NME7: variants seen among roughly 807,000 people sequenced by gnomAD.
NME7 encodes the protein NME/NM23 family member 7, also known as nucleoside diphosphate kinase 7.
NME7 carries 41 observed loss-of-function variants against 49.1 expected under a neutral mutation model. The ratio of observed to expected loss-of-function variants is 0.83; its 90% CI spans 0.65 to 1.08. The LOEUF is 1.08. Among genes scored for constraint, NME7 ranks in the 50% least tolerant of loss-of-function variants. NME7 has a pLI of 0.00. For missense variants in NME7, 423 were observed against 463.4 expected, an observed-to-expected ratio of 0.91 and a Z score of 0.80; for synonymous variants, 139 against 150.6, an observed-to-expected ratio of 0.92 and a Z score of 0.56.
chr1:169,354,637 A>T (rs1040560426), intron 1 of NME7, among the ~76,000 whole-genome samples: 1 of 148,354 alleles, frequency 6.7e-6, no homozygotes, highest in Non-Finnish European at 1.5e-5. Flanking sequence ...TGGTGTACAT[A>T]TTTATATATT....
chr1:169,176,118 A>C (rs1659742248), intron 10 of NME7, among the ~76,000 whole-genome samples: 2 of 152,158 alleles, frequency 1.3e-5, no homozygotes, highest in Non-Finnish European at 2.9e-5. Flanking sequence ...GTACTAATAC[A>C]GTTATGCAGT....
chr1:169,355,212 T>C lies in NME7; in HGVS notation c.3+12496A>G, dbSNP rs1220441817. Among the ~76,000 whole-genome samples the C allele has an allele frequency of 2.0e-4, 13 of 66,598 alleles. 2 individuals carry two copies. The highest frequency in any genetic ancestry group is 3.6e-4 in the African/African-American group (6 of 16,482). 43.7% of individuals were successfully genotyped at this position (66,598 alleles called of 152,430 possible). On this transcript the variant is annotated intron_variant, in intron 1 of 11. Coordinates refer to ENST00000367811, the MANE Select transcript of NME7 (RefSeq NM_013330.5). ...TTATAGATATAATATATAATATATA[T>C]TATATATTATAGATATAATATATAA...
chr1:169,205,033 G>A (rs995992630), intron 10 of NME7, among the ~76,000 whole-genome samples: 14 of 151,968 alleles, frequency 9.2e-5, no homozygotes, highest in Non-Finnish European at 1.9e-4. Flanking sequence ...ACCAAAGCAG[G>A]AAGCCTATAA....
At chr1:169,267,493 GA>G (rs1649353265) in intron 7 of NME7, among the ~76,000 whole-genome samples, 1 of 133,182 alleles carries the variant, frequency 7.5e-6, no homozygotes, top group Admixed American at 7.4e-5. Flanking sequence ...AAAGCTGGAG[GA>G]ATCATATTGT....
chr1:169,237,446 G>A (rs1355063637), intron 8 of NME7, among the ~76,000 whole-genome samples, 177 bp downstream of exon 8: 1 of 151,920 alleles, frequency 6.6e-6, no homozygotes, highest in African/African-American at 2.4e-5. Context: ...ATATTATATG[G>A]GAAAAATCAT....
intron 7 of NME7, among the ~76,000 whole-genome samples, chr1:169,254,909 T>C (rs1291998989): frequency 7.6e-6 from 1 of 130,796 alleles, no homozygotes; most frequent in Admixed American, 7.5e-5. Flanking sequence ...TCTAGTTTGA[T>C]TGCACTGTGG....
At chr1:169,334,644 T>C (rs1214663288) in intron 1 of NME7, among the ~76,000 whole-genome samples, 2 of 152,050 alleles carry the variant, frequency 1.3e-5, no homozygotes, top group African/African-American at 2.4e-5. Flanking sequence ...ATTCAGGACA[T>C]AGGAATGGGC....
intron 11 of NME7, among the ~76,000 whole-genome samples, chr1:169,140,123 ATAAT>A (rs1265297487): frequency 2.0e-5 from 3 of 152,226 alleles, no homozygotes; most frequent in Non-Finnish European, 4.4e-5. Flanking sequence ...AATATTATAA[ATAAT>A]TAAATTCATA....
At chr1:169,239,556 T>C (rs186215238) in intron 7 of NME7, among the ~76,000 whole-genome samples, 2 of 152,142 alleles carry the variant, frequency 1.3e-5, no homozygotes, top group African/African-American at 4.8e-5. Flanking sequence ...ATAGCATTTA[T>C]AGAGTAGGAA....
intron 11 of NME7, among the ~76,000 whole-genome samples, chr1:169,165,667 T>A (rs912873888): frequency 1.3e-5 from 2 of 152,328 alleles, no homozygotes; most frequent in South Asian, 4.1e-4. Flanking sequence ...AGACAACTTG[T>A]CTTGTGTCAC....
intron 10 of NME7, among the ~76,000 whole-genome samples, chr1:169,227,059 C>T (rs900158217): frequency 5.3e-5 from 8 of 152,232 alleles, no homozygotes; most frequent in African/African-American, 1.9e-4. Flanking sequence ...AGCAATAGGA[C>T]CCAGGAGTGA....
chr1:169,236,912 A>G (rs1194154521), intron 8 of NME7, among the ~76,000 whole-genome samples: 1 of 152,004 alleles, frequency 6.6e-6, no homozygotes, highest in Non-Finnish European at 1.5e-5. Context: ...AAAAAGCACA[A>G]ACTTGCTGGG....
chr1:169,167,940 T>TCA (rs943157960), intron 11 of NME7, among the ~76,000 whole-genome samples: 2 of 152,184 alleles, frequency 1.3e-5, no homozygotes, highest in Admixed American at 6.5e-5. Context: ...CTCCCATACC[T>TCA]CACACCAGGA....
At chr1:169,217,957 C>T (rs1661018175) in intron 10 of NME7, among the ~76,000 whole-genome samples, 1 of 152,078 alleles carries the variant, frequency 6.6e-6, no homozygotes, top group South Asian at 2.1e-4. Context: ...CTTTTCTACC[C>T]ACACCACCAC....
chr1:169,206,370 T>C (rs1219216282), intron 10 of NME7, among the ~76,000 whole-genome samples: 1 of 152,142 alleles, frequency 6.6e-6, no homozygotes, highest in Non-Finnish European at 1.5e-5. Flanking sequence ...TGAAAAAGAA[T>C]GGATGGCTAC....
chr1:169,299,540 A>C (rs1452168667), intron 5 of NME7, among the ~76,000 whole-genome samples: 1 of 152,148 alleles, frequency 6.6e-6, no homozygotes, highest in East Asian at 1.9e-4. Flanking sequence ...AGTACTTTTT[A>C]GAGTAAGCCC....
chr1:169,244,441 G>A (rs12730917), intron 7 of NME7, among the ~76,000 whole-genome samples: 36,582 of 151,546 alleles, frequency 0.24, 5,412 homozygotes, highest in Non-Finnish European at 0.34. Flanking sequence ...AGACCATCCT[G>A]GCTAACACGG....
At position 169,351,045 on chromosome 1, in the gene NME7, T is replaced by C. The variant is rs114333377; in HGVS notation, c.3+16663A>G. 6.3e-3 allele frequency among the ~76,000 whole-genome samples: 962 copies of C among 151,990 alleles called. 10 individuals carry two copies. The highest frequency in any genetic ancestry group is 0.022 in the African/African-American group (904 of 41,456). On this transcript the variant is annotated intron_variant, in intron 1 of 11. Coordinates refer to ENST00000367811, the MANE Select transcript of NME7 (RefSeq NM_013330.5). ...CCTATAGTAAGAACCACAGTTTCCATTGGGACCAATACACACCCACACCCA... is the reference window on the plus strand; with the variant it reads ...CCTATAGTAAGAACCACAGTTTCCACTGGGACCAATACACACCCACACCCA...
chr1:169,279,641 G>A (rs914217607), intron 7 of NME7, among the ~76,000 whole-genome samples: 2 of 152,168 alleles, frequency 1.3e-5, no homozygotes, highest in Non-Finnish European at 2.9e-5. Context: ...TGCACTTCCC[G>A]AGTGAGGCAA....
Sources: allele counts gnomAD v4.1 joint callset (sites outside exome capture counted in the v4.1 genomes callset), GRCh38; gene constraint gnomAD v4.1.1; transcripts MANE v1.5; gene names NCBI Gene and HGNC (gene_info 2026-07-23, HGNC 2026-07-21).